LIPA: variants seen among roughly 807,000 people sequenced by gnomAD.
LIPA encodes the protein lipase A, lysosomal acid type.
In LIPA, 26 loss-of-function variants were observed where a neutral mutation model predicts 40.6. The ratio of observed to expected loss-of-function variants is 0.64; its 90% CI spans 0.47 to 0.89. The LOEUF is 0.89. Among genes scored for constraint, LIPA ranks in the 40% least tolerant of loss-of-function variants. LIPA has a pLI of 0.00. For missense variants in LIPA, 455 were observed against 479.6 expected (o/e 0.95, Z 0.48); for synonymous variants, 188 against 168.4 (o/e 1.12, Z -0.90).
At chr10:89,406,656 T>C (rs531615206) in intron 2 of LIPA, among the ~76,000 whole-genome samples, 69 of 152,174 alleles carry the variant, frequency 4.5e-4, no homozygotes, top group African/African-American at 1.6e-3. Context: ...GCTTCACTCC[T>C]GAAGTCAGCA....
At chr10:89,362,050 C>T (rs781164738) in intron 2 of LIPA, among the ~76,000 whole-genome samples, 3 of 151,824 alleles carry the variant, frequency 2.0e-5, no homozygotes, top group African/African-American at 7.3e-5. Context: ...CAGGTGTGTG[C>T]CACCATGCCC....
intron 1 of LIPA, among the ~76,000 whole-genome samples, chr10:89,267,902 T>C (rs1016286610): frequency 6.6e-5 from 10 of 152,118 alleles, no homozygotes; most frequent in African/African-American, 2.2e-4. Flanking sequence ...TCCCACTTTA[T>C]AGGGCAGGGT....
chr10:89,243,417 G>T (rs1380865434), intron 3 of LIPA, among the ~76,000 whole-genome samples: 1 of 152,146 alleles, frequency 6.6e-6, no homozygotes, highest in African/African-American at 2.4e-5. Flanking sequence ...TACAGGGAGG[G>T]CCTCTCAGAA....
intron 2 of LIPA, among the ~76,000 whole-genome samples, chr10:89,376,731 T>G (rs1317809478): frequency 1.3e-5 from 2 of 152,212 alleles, no homozygotes; most frequent in Non-Finnish European, 2.9e-5. Flanking sequence ...CCTTTCAAAT[T>G]ACACCTGTCA....
At chr10:89,300,647 A>C (rs1404095246) in intron 1 of LIPA, among the ~76,000 whole-genome samples, 1 of 152,208 alleles carries the variant, frequency 6.6e-6, no homozygotes, top group Non-Finnish European at 1.5e-5. Flanking sequence ...ATTGTGATGG[A>C]TTGTTGAATG....
intron 2 of LIPA, among the ~76,000 whole-genome samples, chr10:89,350,931 C>G (rs1843955133): frequency 6.6e-6 from 1 of 151,998 alleles, no homozygotes; most frequent in Non-Finnish European, 1.5e-5. Context: ...TTCTTACATA[C>G]AACTGAGTTT....
intron 8 of LIPA, among the ~76,000 whole-genome samples, chr10:89,222,151 AT>A (rs1413213940): frequency 6.8e-6 from 1 of 146,638 alleles, no homozygotes; most frequent in East Asian, 1.9e-4. Flanking sequence ...CAACACAGAA[AT>A]AAAAAAAATC....
At chr10:89,331,701 A>C (rs1342138121) in intron 1 of LIPA, among the ~76,000 whole-genome samples, 15 of 151,886 alleles carry the variant, frequency 9.9e-5, no homozygotes, top group Non-Finnish European at 1.8e-4. Flanking sequence ...TGTACTAAAA[A>C]TACAAAAATC....
chr10:89,267,521 T>C (rs1171786568), intron 1 of LIPA, among the ~76,000 whole-genome samples: 3 of 135,594 alleles, frequency 2.2e-5, no homozygotes, highest in East Asian at 2.2e-4. Context: ...TAGGTGGGAA[T>C]TGAACAATGA....
At chr10:89,314,867 G>C (rs1434859886) in intron 1 of LIPA, among the ~76,000 whole-genome samples, 2 of 152,158 alleles carry the variant, frequency 1.3e-5, no homozygotes, top group African/African-American at 2.4e-5. Context: ...ATTGCATTCT[G>C]GTGAAAGACA....
At chr10:89,346,755 A>AG (rs1843925206), upstream of LIPA, among the ~76,000 whole-genome samples, 1 of 152,256 alleles carries the variant, frequency 6.6e-6, no homozygotes, top group Admixed American at 6.5e-5. Flanking sequence ...AAGATCCACC[A>AG]GGGGATGGAC....
intron 2 of LIPA, chr10:89,403,474 T>G: frequency 6.2e-7 from 1 of 1,612,866 alleles, no homozygotes; most frequent in Non-Finnish European, 8.5e-7. Flanking sequence ...AATGCAATTA[T>G]CCATTATTTA....
rs149799324 is a variant in LIPA at position 89,313,370 on chromosome 10, C to G, written c.-2+29241G>C. Among the ~76,000 whole-genome samples the G allele has an allele frequency of 4.7e-3, 713 of 152,318 alleles. 11 individuals are homozygous for G. The highest frequency in any genetic ancestry group is 4.6e-3 in the South Asian group (22 of 4,824). The stretch of plus-strand genomic sequence containing the variant: ...AGCACATTTTCCTTCCTACAGCCTT[C>G]TCTCTCTTTCAGTAACTCATCTCTT... On this transcript the variant is annotated intron_variant, in intron 1 of 5. Transcript: ENST00000282673.
chr10:89,318,489 G>T (rs1843554132), intron 1 of LIPA, among the ~76,000 whole-genome samples: 1 of 152,138 alleles, frequency 6.6e-6, no homozygotes, highest in African/African-American at 2.4e-5. Flanking sequence ...ATGGTAAAGG[G>T]ATCAATTCAA....
chr10:89,244,182 A>T (rs922358980), intron 3 of LIPA, among the ~76,000 whole-genome samples: 1 of 152,222 alleles, frequency 6.6e-6, no homozygotes. Flanking sequence ...AAATTTCAAA[A>T]AAAATGGTTG....
intron 1 of LIPA, among the ~76,000 whole-genome samples, chr10:89,293,001 T>C (rs976790231): frequency 1.3e-5 from 2 of 152,144 alleles, no homozygotes; most frequent in African/African-American, 4.8e-5. Flanking sequence ...GTTTCTAATA[T>C]GGTTTGGCTT....
At chr10:89,337,426 G>A (rs1268859454) in intron 1 of LIPA, among the ~76,000 whole-genome samples, 2 of 151,976 alleles carry the variant, frequency 1.3e-5, no homozygotes, top group African/African-American at 4.8e-5. Flanking sequence ...TTGAGGCAGG[G>A]TCCCACTCTA....
intron 1 of LIPA, among the ~76,000 whole-genome samples, chr10:89,290,872 G>T (rs1301001250): frequency 6.6e-6 from 1 of 152,184 alleles, no homozygotes; most frequent in Non-Finnish European, 1.5e-5. Flanking sequence ...CCTGTTTGGT[G>T]GTCTCTTCAC....
intron 1 of LIPA, among the ~76,000 whole-genome samples, chr10:89,297,688 C>G (rs1378922774): frequency 6.6e-6 from 1 of 152,234 alleles, no homozygotes; most frequent in African/African-American, 2.4e-5. Context: ...AGCAGCACCA[C>G]AAACTCTGTA....
Sources: allele counts gnomAD v4.1 joint callset (sites outside exome capture counted in the v4.1 genomes callset), GRCh38; gene constraint gnomAD v4.1.1; transcripts MANE v1.5; gene names NCBI Gene and HGNC (gene_info 2026-07-23, HGNC 2026-07-21).